Variants in WDR44 observed in about 807,000 individuals in gnomAD.
The protein encoded by WDR44 is WD repeat-containing protein 44.
WDR44 carries 9 observed loss-of-function variants against 65.7 expected under a neutral mutation model. The ratio of observed to expected loss-of-function variants is 0.14; its 90% confidence interval spans 0.08 to 0.24. The LOEUF is 0.24. Ranked by LOEUF, WDR44 falls within the 10% of genes least tolerant of loss-of-function variation. The probability of loss-of-function intolerance (pLI) is 1.00; values close to 1 mark genes in which losing one functional copy is unlikely to be tolerated. For missense variants in WDR44, 425 were observed against 670.9 expected (o/e 0.63, Z 4.05); for synonymous variants, 220 against 235.2 (o/e 0.94, Z 0.59).
chrX:118,369,470 CTTTTTTT>C, intron 1 of WDR44, among the ~76,000 whole-genome samples: 1 of 75,955 alleles, frequency 1.3e-5, no homozygotes, highest in South Asian at 7.1e-4. Context: ...CACGCCCGGC[CTTTTTTT>C]TTTTTTTTTT....
chrX:118,358,838 C>T (rs1405241286), intron 1 of WDR44, among the ~76,000 whole-genome samples: 3 of 111,726 alleles, frequency 2.7e-5, no homozygotes, highest in Non-Finnish European at 5.7e-5. Flanking sequence ...TTTGGGAGGC[C>T]GAGGCAGGTG....
intron 6 of WDR44, among the ~76,000 whole-genome samples, chrX:118,395,853 T>C (rs1212211486): frequency 9.1e-6 from 1 of 110,151 alleles, no homozygotes; most frequent in Non-Finnish European, 1.9e-5. Flanking sequence ...CAAAACCCTG[T>C]CTCTACTAAA....
At chrX:118,434,135 AATC>A (rs1412760779) in intron 13 of WDR44, among the ~76,000 whole-genome samples, 1 of 112,219 alleles carries the variant, frequency 8.9e-6, no homozygotes, top group Non-Finnish European at 1.9e-5. Flanking sequence ...AGATTTAAGA[AATC>A]ATAAATTTTT....
chrX:118,402,081 A>T (rs1259897401), intron 8 of WDR44, among the ~76,000 whole-genome samples: 1 of 109,146 alleles, frequency 9.2e-6, no homozygotes, highest in Non-Finnish European at 1.9e-5. Flanking sequence ...CTAATAATAT[A>T]TATATTGTAG....
intron 9 of WDR44, among the ~76,000 whole-genome samples, 155 bp from the exon 10 acceptor site, chrX:118,406,720 G>A (rs55877539): frequency 0.074 from 8,204 of 111,368 alleles, 718 homozygotes; most frequent in African/African-American, 0.25. Context: ...CTGGCAGTCT[G>A]GCATTAGACT....
chrX:118,404,854 C>T (rs1456748328), intron 9 of WDR44, among the ~76,000 whole-genome samples: 1 of 110,194 alleles, frequency 9.1e-6, no homozygotes, highest in Non-Finnish European at 1.9e-5. Flanking sequence ...GCGCCTGCCA[C>T]CACACCTGGC....
At chrX:118,418,536 G>A (rs974517228) in intron 12 of WDR44, among the ~76,000 whole-genome samples, 6 of 111,508 alleles carry the variant, frequency 5.4e-5, no homozygotes, top group African/African-American at 1.6e-4. Flanking sequence ...GATGTGAACC[G>A]TCTATGGGTC....
intron 12 of WDR44, among the ~76,000 whole-genome samples, chrX:118,432,237 G>A (rs2057217826): frequency 9.0e-6 from 1 of 111,346 alleles, no homozygotes; most frequent in Non-Finnish European, 1.9e-5. Context: ...TTTACACTAT[G>A]GTCTTAAGAT....
chrX:118,420,544 T>C (rs1450682529), intron 12 of WDR44, among the ~76,000 whole-genome samples: 1 of 111,949 alleles, frequency 8.9e-6, no homozygotes, highest in African/African-American at 3.2e-5. Context: ...TGAGCCACCA[T>C]GCCCAGCCTT....
chrX:118,422,477 A>C, intron 12 of WDR44, among the ~76,000 whole-genome samples: 1 of 110,698 alleles, frequency 9.0e-6, no homozygotes, highest in Non-Finnish European at 1.9e-5. Context: ...GGATCACCTG[A>C]GGTCAAGTGT....
chrX:118,416,590 G>A (rs762236349), intron 12 of WDR44, among the ~76,000 whole-genome samples: 9 of 111,226 alleles, frequency 8.1e-5, no homozygotes, highest in African/African-American at 2.0e-4. Context: ...ATTGAGGCTC[G>A]TTTTATGGCC....
intron 1 of WDR44, among the ~76,000 whole-genome samples, chrX:118,351,780 T>C (rs1044935250): frequency 2.7e-5 from 3 of 109,920 alleles, no homozygotes; most frequent in Admixed American, 2.0e-4. Context: ...TCAAACCCCA[T>C]CTCTACTAAA....
chrX:118,355,782 G>T (rs967726156), intron 1 of WDR44, among the ~76,000 whole-genome samples: 3 of 111,252 alleles, frequency 2.7e-5, no homozygotes, highest in African/African-American at 9.8e-5. Flanking sequence ...TTCTGATTTT[G>T]AACTTCCTGG....
chrX:118,424,791 A>G (rs183849105), intron 12 of WDR44, among the ~76,000 whole-genome samples: 1 of 111,461 alleles, frequency 9.0e-6, no homozygotes, highest in Admixed American at 9.6e-5. Flanking sequence ...GTCCAATGTC[A>G]AGAAGTTTTT....
chrX:118,447,013 G>A lies in WDR44; in HGVS notation c.2648-1880G>A, dbSNP rs1284148386. The A allele has an allele frequency of 3.5e-5, 11 of 310,036 alleles. No homozygotes were observed. In the Admixed American group the frequency reaches 3.8e-4, roughly 11 times the overall value. The allele number at this position is 310,036 out of a possible 1,213,427, so 25.6% of individuals were successfully genotyped here. On this transcript the variant is annotated intron_variant, in intron 19 of 19. Transcript: ENST00000254029. ...GCATCCCGAGTAGCTAGGACTACACGTACTACCATGCCTGGCTAATTTTTT... is the reference window on the plus strand; with the variant it reads ...GCATCCCGAGTAGCTAGGACTACACATACTACCATGCCTGGCTAATTTTTT...
chrX:118,407,332 C>A (rs1435117243), intron 10 of WDR44, among the ~76,000 whole-genome samples: 1 of 110,668 alleles, frequency 9.0e-6, no homozygotes, highest in Non-Finnish European at 1.9e-5. Flanking sequence ...GAAACCCTGT[C>A]TCTACGAAAA....
intron 12 of WDR44, among the ~76,000 whole-genome samples, chrX:118,416,737 C>T (rs2147727794): frequency 9.0e-6 from 1 of 111,693 alleles, no homozygotes; most frequent in Non-Finnish European, 1.9e-5. Context: ...TTCGTTGTTT[C>T]TTTGTTGACT....
intron 3 of WDR44, among the ~76,000 whole-genome samples, chrX:118,389,108 C>T (rs1419006180): frequency 1.8e-5 from 2 of 111,755 alleles, no homozygotes; most frequent in African/African-American, 6.5e-5. Context: ...TGAGAAAACA[C>T]TGTGGAGCAG....
rs763987392 is a variant in WDR44, at chrX:118,393,023, TG to T, written c.579del (p.Ser194ProfsTer31). ...GGAGGTGGTGATGTTTTAGAGCCTG[TG>T]TCCTCAGACTCCTTATCTACTAAAG... is the stretch of plus-strand genomic sequence containing the variant. ...VKGGGDVLEP[V>X]SSDSLSTKDF... On this transcript the variant is annotated frameshift_variant, in exon 4 of 20. Coordinates refer to ENST00000254029, the MANE Select transcript of WDR44 (RefSeq NM_019045.5). LOFTEE classifies it high-confidence loss of function. 1 of 1,211,906 alleles carries T rather than the reference TG, an allele frequency of 8.3e-7. No individual in the cohort carries two copies.
Sources: allele counts gnomAD v4.1 joint callset (sites outside exome capture counted in the v4.1 genomes callset), GRCh38; gene constraint gnomAD v4.1.1; transcripts MANE v1.5; gene names NCBI Gene and HGNC (gene_info 2026-07-23, HGNC 2026-07-21).